Variants in KDM2A observed in about 807,000 individuals in gnomAD.
The protein encoded by KDM2A is lysine demethylase 2A, also known as lysine-specific demethylase 2A.
KDM2A carries 3 observed loss-of-function variants against 137.3 expected under a neutral mutation model. The ratio of observed to expected loss-of-function variants is 0.02; its 90% confidence interval spans 0.01 to 0.06. The LOEUF is 0.06. Ranked by LOEUF, KDM2A falls within the 10% of genes least tolerant of loss-of-function variation. The pLI is 1.00. For missense variants in KDM2A, 738 were observed against 1,510.6 expected (o/e 0.49, Z 8.48); for synonymous variants, 512 against 541.5 (o/e 0.95, Z 0.76).
intron 5 of KDM2A, among the ~76,000 whole-genome samples, chr11:67,198,644 AG>A (rs1056061226): frequency 8.9e-5 from 13 of 146,190 alleles, no homozygotes; most frequent in African/African-American, 3.3e-4. Context: ...CGGAAGGCGG[AG>A]GTTGCAGTGA....
intron 2 of KDM2A, 61 bp downstream of exon 2, chr11:67,121,419 C>T: frequency 1.3e-6 from 2 of 1,523,490 alleles, no homozygotes; most frequent in Non-Finnish European, 1.8e-6. Flanking sequence ...TATTTTGTTT[C>T]CAGTTGTGAA....
intron 8 of KDM2A, 51 bp from the exon 9 acceptor site, chr11:67,217,680 G>A (rs192963868): frequency 1.1e-5 from 17 of 1,587,268 alleles, no homozygotes; most frequent in African/African-American, 1.3e-5. Flanking sequence ...TGAGGGAGAC[G>A]ACTGGGTCAT....
intron 12 of KDM2A, among the ~76,000 whole-genome samples, chr11:67,232,655 A>G (rs1347659043): frequency 8.3e-6 from 1 of 121,066 alleles, no homozygotes; most frequent in African/African-American, 3.1e-5. Context: ...CATATTGTAT[A>G]TTTTTCTTAA....
chr11:67,124,335 G>A (rs1855667776), intron 2 of KDM2A, among the ~76,000 whole-genome samples: 1 of 148,096 alleles, frequency 6.8e-6, no homozygotes, highest in Admixed American at 6.8e-5. Context: ...TTTTTGAAAT[G>A]GAGACTCACT....
Position 67,254,974 on chromosome 11 carries a change from C to G in KDM2A, c.3408C>G (p.Ala1136=), listed in dbSNP as rs748588407. 2.6e-5 allele frequency: 42 copies of G among 1,613,726 alleles called. No individual in the cohort carries two copies. The highest frequency in any genetic ancestry group is 3.3e-5 in the Admixed American group (2 of 59,978). ...LRGCKQITRK[A]CEHFISDLSI... Reference sequence around the variant, plus strand: ...GATGCAAGCAGATCACTCGAAAAGCCTGCGAGCACTTCATCTCAGACTTGT... The same window carrying G: ...GATGCAAGCAGATCACTCGAAAAGCGTGCGAGCACTTCATCTCAGACTTGT... Residue 1136 remains alanine (A), a synonymous_variant, in exon 21 of 21, where the codon GCC becomes GCG. Transcript: ENST00000529006. The surrounding 1 kb of genome is among the most constrained non-coding windows in gnomAD (Gnocchi z 4.7).
chr11:67,253,377 C>A, intron 18 of KDM2A, 76 bp from the exon 19 acceptor site: 1 of 1,350,792 alleles, frequency 7.4e-7, no homozygotes, highest in Non-Finnish European at 1.0e-6. Context: ...AGTTTGTTCA[C>A]TTTGCTCAGA....
chr11:67,125,081 TCGATCTGCTGA>T (rs1855688618), intron 2 of KDM2A, among the ~76,000 whole-genome samples: 1 of 151,798 alleles, frequency 6.6e-6, no homozygotes, highest in East Asian at 2.0e-4. Context: ...CAGGATGGTC[TCGATCTGCTGA>T]CCTCGTGATC....
chr11:67,165,277 C>T (rs1282587929), intron 2 of KDM2A, among the ~76,000 whole-genome samples: 1 of 152,076 alleles, frequency 6.6e-6, no homozygotes, highest in Non-Finnish European at 1.5e-5. Flanking sequence ...CATGCGCCGC[C>T]ACACCTGGCT....
chr11:67,207,393 G>A (rs1183634809), intron 5 of KDM2A, 117 bp from the exon 6 acceptor site: 1 of 707,534 alleles, frequency 1.4e-6, no homozygotes, highest in Non-Finnish European at 2.1e-6. Flanking sequence ...TTTTCCTTGT[G>A]TATTATTGAA....
chr11:67,169,685 GTTTCTTTTTTC>G lies in KDM2A; in HGVS notation c.43-10379_43-10369del, dbSNP rs1266662636. ...GCCACTGCGCTCAGCCCATCACTTG[GTTTCTTTTTTC>G]TTTCTTTTTTCTTTTTTCTTCTCTC... On this transcript the variant is annotated intron_variant, in intron 2 of 20. Transcript: ENST00000529006. 2.3e-3 allele frequency among the ~76,000 whole-genome samples: 327 copies of G among 144,744 alleles called. No individual in the cohort carries two copies. The East Asian group carries it at 0.027, about 12-fold the overall frequency. The allele number at this position is 144,744 out of a possible 152,430, so 95.0% of individuals were successfully genotyped here.
At chr11:67,178,599 T>A (rs1238899793) in intron 2 of KDM2A, among the ~76,000 whole-genome samples, 1 of 152,212 alleles carries the variant, frequency 6.6e-6, no homozygotes, top group African/African-American at 2.4e-5. Flanking sequence ...TCTCTATGGA[T>A]TTGCCTATTC....
chr11:67,249,257 C>CT (rs1859335311), intron 16 of KDM2A, among the ~76,000 whole-genome samples: 1 of 152,112 alleles, frequency 6.6e-6, no homozygotes, highest in Non-Finnish European at 1.5e-5. Flanking sequence ...TGCATCTCTG[C>CT]TGTAGCAGAT....
chr11:67,253,661 T>G, intron 19 of KDM2A, 50 bp downstream of exon 19: 2 of 1,590,710 alleles, frequency 1.3e-6, no homozygotes, highest in Non-Finnish European at 1.7e-6. Context: ...TAGCTTTGTC[T>G]TCCAAACAGA....
rs909313680 is a variant in KDM2A, at chr11:67,119,456, G to C, written c.-677G>C. ...CCGGGAGGAGGGGCAACGCCAGGGG[G>C]CCCATCCCCCGGAATCCCTCTTCTG... is the stretch of plus-strand genomic sequence containing the variant. On this transcript the variant is annotated 5_prime_UTR_variant, in exon 1 of 21. Transcript: ENST00000529006. 5 of 153,612 alleles carry C rather than the reference G, an allele frequency of 3.3e-5. No individual in the cohort carries two copies. Among genetic ancestry groups the C allele is most frequent in the African/African-American group, 1.2e-4 (5 of 41,420 alleles). 9.5% of individuals were successfully genotyped at this position (153,612 alleles called of 1,614,324 possible). A position where few individuals can be genotyped will look rare whatever the true frequency, so the allele number is the denominator to read the frequency against.
intron 5 of KDM2A, among the ~76,000 whole-genome samples, chr11:67,182,758 C>G (rs1857118918): frequency 1.3e-5 from 2 of 152,166 alleles, no homozygotes; most frequent in Non-Finnish European, 2.9e-5. Context: ...GTCTTGAACT[C>G]CTGACCTCAA....
intron 2 of KDM2A, among the ~76,000 whole-genome samples, chr11:67,169,759 C>CTCTCTCTCTT (rs756503460): frequency 1.4e-4 from 9 of 65,696 alleles, no homozygotes; most frequent in South Asian, 7.8e-4. Context: ...CTCTCTCTCT[C>CTCTCTCTCTT]TTTTTTTTTT....
intron 2 of KDM2A, among the ~76,000 whole-genome samples, chr11:67,134,720 G>A (rs752518269): frequency 1.3e-5 from 2 of 151,976 alleles, no homozygotes; most frequent in Non-Finnish European, 1.5e-5. Context: ...GACTAGGCTG[G>A]TCTCGAACTT....
intron 2 of KDM2A, among the ~76,000 whole-genome samples, chr11:67,156,369 G>A (rs1345886060): frequency 6.6e-6 from 1 of 152,092 alleles, no homozygotes; most frequent in Non-Finnish European, 1.5e-5. Flanking sequence ...TGGATCATGA[G>A]GTCAGGAGAT....
intron 2 of KDM2A, among the ~76,000 whole-genome samples, chr11:67,142,904 A>G (rs1161487620): frequency 6.6e-6 from 1 of 151,976 alleles, no homozygotes; most frequent in Non-Finnish European, 1.5e-5. Flanking sequence ...AACAATTATC[A>G]AAACTTGGAA....
Sources: allele counts gnomAD v4.1 joint callset (sites outside exome capture counted in the v4.1 genomes callset), GRCh38; gene constraint gnomAD v4.1.1; non-coding constraint Gnocchi (gnomAD v3.1); transcripts MANE v1.5; gene names NCBI Gene and HGNC (gene_info 2026-07-23, HGNC 2026-07-21).